Variants in HTR1F observed in about 807,000 individuals in gnomAD.
The protein encoded by HTR1F is 5-hydroxytryptamine (serotonin) receptor 1F, G protein-coupled.
A neutral mutation model predicts 24.0 loss-of-function variants in HTR1F; 17 were observed. That is an observed-to-expected ratio of 0.71 (90% CI 0.48 to 1.06). The LOEUF is 1.06. HTR1F is among the 50% of genes least tolerant of loss of function. HTR1F has a pLI of 0.00. For synonymous variants in HTR1F, 186 were observed against 156.8 expected (o/e 1.19, Z -1.39); for missense variants, 391 against 427.8 (o/e 0.91, Z 0.76).
chr3:87,991,296 A>G lies in HTR1F; in HGVS notation c.547A>G (p.Ile183Val). Residue 183 changes from isoleucine to valine, a missense_variant, in exon 3 of 3, where the codon ATT becomes GTT. Coordinates refer to ENST00000319595, the MANE Select transcript of HTR1F (RefSeq NM_001322209.2). ...IIKHDHIVSTIYSTFGAFYIP... is the reference protein window; with the variant it reads ...IIKHDHIVSTVYSTFGAFYIP... ...CAAGCACGACCACATTGTTTCCACC[A>G]TTTACTCAACATTTGGAGCTTTCTA... 6.2e-7 allele frequency: 1 copy of G among 1,614,014 alleles called. No individual in the cohort carries two copies. Among genetic ancestry groups the G allele is most frequent in the Non-Finnish European group, 8.5e-7 (1 of 1,180,004 alleles).
chr3:87,797,854 G>A (rs138039019), intron 1 of HTR1F, among the ~76,000 whole-genome samples: 3 of 152,144 alleles, frequency 2.0e-5, no homozygotes, highest in Admixed American at 2.0e-4. Flanking sequence ...TACACAGAAG[G>A]CAAAGCTGAT....
At chr3:87,795,481 T>A (rs965043697) in intron 1 of HTR1F, among the ~76,000 whole-genome samples, 3 of 152,166 alleles carry the variant, frequency 2.0e-5, no homozygotes, top group Non-Finnish European at 2.9e-5. Context: ...CATGGCAGGA[T>A]TCTCTTTTTT....
intron 2 of HTR1F, among the ~76,000 whole-genome samples, chr3:87,955,581 G>T (rs1267683671): frequency 6.6e-6 from 1 of 151,404 alleles, no homozygotes; most frequent in Non-Finnish European, 1.5e-5. Context: ...GGGTCGTATT[G>T]TCAGCCATAT....
Position 87,957,091 on chromosome 3 carries a change from T to A in HTR1F, c.-42-33617T>A, listed in dbSNP as rs544846088. ...AACAGGACGTTAGGTGCAGATTTTT[T>A]ATAAATGCCTCTTATCAGATGGAGG... is the stretch of plus-strand genomic sequence containing the variant. On this transcript the variant is annotated intron_variant, in intron 2 of 2. Transcript: ENST00000319595. Among the ~76,000 whole-genome samples the A allele has an allele frequency of 3.0e-4, 45 of 151,458 alleles. No homozygotes were observed. In the South Asian group the frequency reaches 8.9e-3, roughly 30 times the overall value.
At chr3:87,959,435 G>T (rs554954958) in intron 2 of HTR1F, among the ~76,000 whole-genome samples, 3 of 151,818 alleles carry the variant, frequency 2.0e-5, no homozygotes, top group Non-Finnish European at 2.9e-5. Flanking sequence ...TGGTCACTTT[G>T]TTACTTTAAT....
At chr3:87,885,150 C>A (rs1403503704) in intron 2 of HTR1F, among the ~76,000 whole-genome samples, 1 of 152,108 alleles carries the variant, frequency 6.6e-6, no homozygotes, top group Non-Finnish European at 1.5e-5. Flanking sequence ...TCTCTCAGAC[C>A]ACAGTGCAAT....
chr3:87,846,653 T>G (rs1380797275), intron 2 of HTR1F, among the ~76,000 whole-genome samples: 1 of 151,984 alleles, frequency 6.6e-6, no homozygotes, highest in Non-Finnish European at 1.5e-5. Context: ...TTTCCACAAT[T>G]GAGTAATGGC....
intron 2 of HTR1F, among the ~76,000 whole-genome samples, chr3:87,876,495 A>C (rs1366692395): frequency 6.6e-6 from 1 of 152,216 alleles, no homozygotes; most frequent in Non-Finnish European, 1.5e-5. Flanking sequence ...AAGACGTTAT[A>C]CTTCATTATA....
chr3:87,986,335 C>G (rs2107520575), intron 2 of HTR1F, among the ~76,000 whole-genome samples: 1 of 152,200 alleles, frequency 6.6e-6, no homozygotes, highest in Non-Finnish European at 1.5e-5. Context: ...TTTCTATTTT[C>G]TTTGTTGTCT....
At chr3:87,868,713 T>C (rs1297922017) in intron 2 of HTR1F, among the ~76,000 whole-genome samples, 2 of 151,972 alleles carry the variant, frequency 1.3e-5, no homozygotes, top group Admixed American at 6.6e-5. Flanking sequence ...CCTGTGTCTA[T>C]AATGCAAACA....
intron 2 of HTR1F, among the ~76,000 whole-genome samples, chr3:87,902,248 C>G (rs1044682750): frequency 3.9e-5 from 6 of 152,044 alleles, no homozygotes; most frequent in Non-Finnish European, 5.9e-5. Context: ...AACAGAGACC[C>G]TAAAAAGATA....
At chr3:87,839,974 A>G (rs1301263976) in intron 2 of HTR1F, among the ~76,000 whole-genome samples, 16 of 152,064 alleles carry the variant, frequency 1.1e-4, no homozygotes, top group Admixed American at 1.0e-3. Context: ...TCCATAGTGT[A>G]TATCTACCAC....
At chr3:87,927,146 T>G (rs9872577) in intron 2 of HTR1F, among the ~76,000 whole-genome samples, 61,668 of 151,910 alleles carry the variant, frequency 0.41, 12,890 homozygotes, top group African/African-American at 0.5. Context: ...AGTACCATGG[T>G]TATATGCCAC....
chr3:87,923,832 T>A (rs1385953087), intron 2 of HTR1F, among the ~76,000 whole-genome samples: 3 of 152,088 alleles, frequency 2.0e-5, no homozygotes, highest in Non-Finnish European at 4.4e-5. Flanking sequence ...CTTGCATCTT[T>A]GGGATATATC....
intron 2 of HTR1F, among the ~76,000 whole-genome samples, chr3:87,864,046 T>C (rs1260576562): frequency 6.6e-6 from 1 of 152,174 alleles, no homozygotes; most frequent in Non-Finnish European, 1.5e-5. Flanking sequence ...GTCTTTCTCA[T>C]ACTGTATCAC....
At chr3:87,888,271 A>G in intron 2 of HTR1F, among the ~76,000 whole-genome samples, 1 of 152,148 alleles carries the variant, frequency 6.6e-6, no homozygotes. Context: ...TTGAACAATG[A>G]GAACACTTGG....
intron 2 of HTR1F, among the ~76,000 whole-genome samples, chr3:87,855,406 A>G (rs1475569259): frequency 6.6e-6 from 1 of 152,104 alleles, no homozygotes; most frequent in Non-Finnish European, 1.5e-5. Context: ...TCTTTATCCC[A>G]GAGGCCTCCA....
chr3:87,898,624 A>G (rs1474662573), intron 2 of HTR1F, among the ~76,000 whole-genome samples: 1 of 152,206 alleles, frequency 6.6e-6, no homozygotes, highest in East Asian at 1.9e-4. Flanking sequence ...ATTTAGAAAT[A>G]TAAATTCAGT....
At chr3:87,870,517 C>T (rs1261738324) in intron 2 of HTR1F, among the ~76,000 whole-genome samples, 1 of 152,030 alleles carries the variant, frequency 6.6e-6, no homozygotes, top group Non-Finnish European at 1.5e-5. Context: ...CTCCACAAAC[C>T]AGCACAGCTT....
Sources: allele counts gnomAD v4.1 joint callset (sites outside exome capture counted in the v4.1 genomes callset), GRCh38; gene constraint gnomAD v4.1.1; transcripts MANE v1.5; gene names NCBI Gene and HGNC (gene_info 2026-07-23, HGNC 2026-07-21).